GALNT13: variants seen among roughly 807,000 people sequenced by gnomAD.
GALNT13 encodes the protein UDP-GalNAc:polypeptide N-acetylgalactosaminyltransferase 13.
A neutral mutation model predicts 64.2 loss-of-function variants in GALNT13; 28 were observed. The ratio of observed to expected loss-of-function variants is 0.44; its 90% CI spans 0.32 to 0.60. The LOEUF (loss-of-function observed/expected upper bound fraction) is 0.60, where lower values mean the gene tolerates loss of function less well. Ranked by LOEUF, GALNT13 falls within the 20% of genes least tolerant of loss-of-function variation. GALNT13 has a pLI of 0.05. For missense variants in GALNT13, 577 were observed against 669.8 expected (o/e 0.86, Z 1.53); for synonymous variants, 214 against 224.6 (o/e 0.95, Z 0.42).
chr2:154,046,366 A>G (rs1452149936), intron 3 of GALNT13, among the ~76,000 whole-genome samples: 2 of 152,122 alleles, frequency 1.3e-5, no homozygotes, highest in African/African-American at 4.8e-5. Flanking sequence ...TTGTAGATAC[A>G]AACACATTTC....
At chr2:154,034,542 G>T (rs1034851072) in intron 3 of GALNT13, among the ~76,000 whole-genome samples, 1 of 143,614 alleles carries the variant, frequency 7.0e-6, no homozygotes, top group Admixed American at 6.8e-5. Context: ...CTTGAATAGT[G>T]TACGTCGTAC....
At chr2:153,810,151 G>C in the GALNT13 span, among the ~76,000 whole-genome samples, 2 of 152,008 alleles carry the variant, frequency 1.3e-5, no homozygotes, top group African/African-American at 2.4e-5. Context: ...TTTTAGTAGA[G>C]ACAGTGTTTC....
At chr2:154,425,864 A>G (rs1477142760) in intron 11 of GALNT13, among the ~76,000 whole-genome samples, 4 of 152,218 alleles carry the variant, frequency 2.6e-5, no homozygotes, top group African/African-American at 4.8e-5. Context: ...AAATAGAATG[A>G]TAGAGATGGG....
At chr2:153,599,637 A>C in the GALNT13 span, among the ~76,000 whole-genome samples, 2 of 151,950 alleles carry the variant, frequency 1.3e-5, no homozygotes, top group African/African-American at 4.8e-5. Context: ...CACATTCATT[A>C]CTACATTTTG....
chr2:154,079,042 A>G (rs1701133442), intron 3 of GALNT13, among the ~76,000 whole-genome samples: 1 of 151,680 alleles, frequency 6.6e-6, no homozygotes, highest in Non-Finnish European at 1.5e-5. Context: ...AAGTGACTAT[A>G]ATGATTACAA....
chr2:153,765,095 A>G, the GALNT13 span, among the ~76,000 whole-genome samples: 1 of 152,214 alleles, frequency 6.6e-6, no homozygotes, highest in Non-Finnish European at 1.5e-5. Flanking sequence ...GGCAGTGCAG[A>G]AGGGAAAGTG....
At position 154,133,657 on chromosome 2, in the gene GALNT13, C is replaced by G. The variant is rs960319894; in HGVS notation, c.143-6680C>G. Among the ~76,000 whole-genome samples, 3 of 145,968 alleles carry G rather than the reference C, an allele frequency of 2.1e-5. No individual in the cohort carries two copies. The East Asian group carries it at 6.4e-4, about 31-fold the overall frequency. ...TTTTATCAGTCTTTTGATAATAGAACTAGATTGTCTACAAATTGCCTTCTA... is the reference window on the plus strand; with the variant it reads ...TTTTATCAGTCTTTTGATAATAGAAGTAGATTGTCTACAAATTGCCTTCTA... On this transcript the variant is annotated intron_variant, in intron 3 of 12. Transcript: ENST00000392825.
the GALNT13 span, among the ~76,000 whole-genome samples, chr2:153,117,193 CA>C: frequency 6.6e-6 from 1 of 152,126 alleles, no homozygotes; most frequent in Non-Finnish European, 1.5e-5. Flanking sequence ...GCTTGAAACA[CA>C]GGCCTCTTTG....
the GALNT13 span, among the ~76,000 whole-genome samples, chr2:153,512,702 TAATA>T: frequency 6.6e-6 from 1 of 152,250 alleles, no homozygotes; most frequent in Admixed American, 6.5e-5. Flanking sequence ...AGTATGCAGT[TAATA>T]AATGTTAGCC....
intron 4 of GALNT13, among the ~76,000 whole-genome samples, chr2:154,154,642 C>G (rs1395168309): frequency 6.6e-6 from 1 of 151,912 alleles, no homozygotes; most frequent in African/African-American, 2.4e-5. Flanking sequence ...AAACATAAAG[C>G]AATATGTAGT....
intron 3 of GALNT13, among the ~76,000 whole-genome samples, chr2:154,018,489 C>T (rs1465005066): frequency 6.6e-6 from 1 of 151,998 alleles, no homozygotes; most frequent in Non-Finnish European, 1.5e-5. Flanking sequence ...AGAGTTCAAC[C>T]TTTTTTATTA....
At chr2:153,169,744 C>T in the GALNT13 span, among the ~76,000 whole-genome samples, 1 of 152,138 alleles carries the variant, frequency 6.6e-6, no homozygotes, top group Non-Finnish European at 1.5e-5. Flanking sequence ...GAGTTGAAAC[C>T]TGCAGTGCAT....
the GALNT13 span, among the ~76,000 whole-genome samples, chr2:153,257,026 C>A: frequency 3.3e-5 from 5 of 152,254 alleles, no homozygotes; most frequent in African/African-American, 9.6e-5. Flanking sequence ...CAAGTCTGGG[C>A]AATGGCGGGC....
chr2:154,197,967 T>C (rs1163046845), intron 4 of GALNT13, among the ~76,000 whole-genome samples: 1 of 151,902 alleles, frequency 6.6e-6, no homozygotes, highest in African/African-American at 2.4e-5. Flanking sequence ...TAAACCCCAT[T>C]TTATATTCAT....
At chr2:153,664,256 C>T in the GALNT13 span, among the ~76,000 whole-genome samples, 7 of 152,148 alleles carry the variant, frequency 4.6e-5, no homozygotes, top group South Asian at 1.2e-3. Flanking sequence ...TTCATATACC[C>T]ACCCCTGGGA....
At chr2:154,103,242 T>C (rs68051618) in intron 3 of GALNT13, among the ~76,000 whole-genome samples, 7,095 of 152,238 alleles carry the variant, frequency 0.047, 220 homozygotes, top group South Asian at 0.11. Context: ...AAAAGACTGG[T>C]CTTCAAGTTC....
chr2:154,083,954 T>C lies in GALNT13; in HGVS notation c.143-56383T>C, dbSNP rs903460026. Among the ~76,000 whole-genome samples, 4 of 151,852 alleles carry C rather than the reference T, an allele frequency of 2.6e-5. No homozygotes were observed. In the East Asian group the frequency reaches 7.7e-4, roughly 29 times the overall value. ...GAAGAATGATTCAAACGTGATGTTT[T>C]CATTGATAGGAAGAGAGAATGATCA... is the stretch of plus-strand genomic sequence containing the variant. On this transcript the variant is annotated intron_variant, in intron 3 of 12. Coordinates refer to ENST00000392825, the MANE Select transcript of GALNT13 (RefSeq NM_052917.4).
chr2:153,439,771 T>C, the GALNT13 span, among the ~76,000 whole-genome samples: 1 of 152,126 alleles, frequency 6.6e-6, no homozygotes, highest in Non-Finnish European at 1.5e-5. Flanking sequence ...GCTTCCTGGG[T>C]GAGGCGATGC....
chr2:153,917,482 T>G (rs7600544), intron 2 of GALNT13, among the ~76,000 whole-genome samples: 108,545 of 151,812 alleles, frequency 0.71, 39,095 homozygotes, highest in East Asian at 0.9. Flanking sequence ...AAGGTATGCA[T>G]TATTTTGAGG....
Sources: allele counts gnomAD v4.1 joint callset (sites outside exome capture counted in the v4.1 genomes callset), GRCh38; gene constraint gnomAD v4.1.1; transcripts MANE v1.5; gene names NCBI Gene and HGNC (gene_info 2026-07-23, HGNC 2026-07-21).